Variants in CAB39 observed in about 807,000 individuals in gnomAD.
CAB39 encodes the protein calcium-binding protein 39.
CAB39 carries 8 observed loss-of-function variants against 40.0 expected under a neutral mutation model. The ratio of observed to expected loss-of-function variants is 0.20; its 90% CI spans 0.12 to 0.36. CAB39 has a LOEUF of 0.36. Ranked by LOEUF, CAB39 falls within the 10% of genes least tolerant of loss-of-function variation. The probability of loss-of-function intolerance (pLI) is 1.00; values close to 1 mark genes in which losing one functional copy is unlikely to be tolerated. For synonymous variants in CAB39, 156 were observed against 141.6 expected (o/e 1.10, Z -0.72); for missense variants, 270 against 401.1 (o/e 0.67, Z 2.79).
intron 1 of CAB39, among the ~76,000 whole-genome samples, chr2:230,732,949 G>A (rs1336545149): frequency 1.8e-4 from 28 of 152,054 alleles, no homozygotes; most frequent in Admixed American, 1.8e-3. Context: ...ACTTCTTTAC[G>A]TTATCACTGA....
intron 1 of CAB39, among the ~76,000 whole-genome samples, chr2:230,756,286 A>G (rs1410329062): frequency 1.3e-5 from 2 of 152,220 alleles, no homozygotes; most frequent in African/African-American, 2.4e-5. Flanking sequence ...GATATAGCCT[A>G]TTGCTCTTAG....
intron 6 of CAB39, among the ~76,000 whole-genome samples, chr2:230,813,579 T>G (rs1696342033): frequency 6.6e-6 from 1 of 152,206 alleles, no homozygotes; most frequent in African/African-American, 2.4e-5. Context: ...GCCTGATACA[T>G]TGAAAGAGCA....
chr2:230,809,881 A>G (rs1423375681), intron 5 of CAB39, among the ~76,000 whole-genome samples: 2 of 151,800 alleles, frequency 1.3e-5, no homozygotes, highest in Non-Finnish European at 2.9e-5. Context: ...GTGGGCGTGG[A>G]ATTGTTTGAC....
At chr2:230,773,614 A>G (rs1044890018) in intron 2 of CAB39, among the ~76,000 whole-genome samples, 2 of 152,152 alleles carry the variant, frequency 1.3e-5, no homozygotes, top group Admixed American at 6.5e-5. Context: ...CCAGGCTGAC[A>G]TAGAAATTCA....
At chr2:230,810,547 AAG>A (rs1575963397) in intron 6 of CAB39, among the ~76,000 whole-genome samples, 2 of 152,258 alleles carry the variant, frequency 1.3e-5, no homozygotes, top group East Asian at 1.9e-4. Context: ...ATTGCTTTAA[AAG>A]AGGAAAATAG....
At chr2:230,756,321 C>A (rs1695189262) in intron 1 of CAB39, among the ~76,000 whole-genome samples, 1 of 152,190 alleles carries the variant, frequency 6.6e-6, no homozygotes, top group South Asian at 2.1e-4. Context: ...CAGCATGTTA[C>A]TGTGTTGAAT....
At position 230,814,060 on chromosome 2, in the gene CAB39, A is replaced by G; in HGVS notation, c.639A>G (p.Glu213=). ...CTCTTATCTTTTAGTTTTTCAGTGA[A>G]TATGAGAAGTTACTTCATTCAGAAA... ...LEQHYDRFFS[E]YEKLLHSENY... Residue 213 remains glutamate, a synonymous_variant, in exon 7 of 9, where the codon GAA becomes GAG. Coordinates refer to ENST00000258418, the MANE Select transcript of CAB39 (RefSeq NM_016289.4). 1.8e-6 allele frequency: 2 copies of G among 1,142,276 alleles called. No individual in the cohort carries two copies. Among genetic ancestry groups the G allele is most frequent in the Non-Finnish European group, 2.4e-6 (2 of 845,060 alleles). 70.8% of individuals were successfully genotyped at this position (1,142,276 alleles called of 1,614,324 possible).
intron 1 of CAB39, among the ~76,000 whole-genome samples, chr2:230,743,026 G>T (rs141306550): frequency 6.6e-6 from 1 of 152,192 alleles, no homozygotes; most frequent in African/African-American, 2.4e-5. Context: ...ACAGAACATC[G>T]TGTGGTCTCT....
chr2:230,800,690 G>A (rs1696074743), intron 5 of CAB39, among the ~76,000 whole-genome samples: 1 of 152,154 alleles, frequency 6.6e-6, no homozygotes. Flanking sequence ...TGAAGGAAGA[G>A]GATTGAGCAG....
intron 2 of CAB39, among the ~76,000 whole-genome samples, chr2:230,764,801 A>G (rs1432019267): frequency 6.6e-6 from 1 of 152,238 alleles, no homozygotes; most frequent in Non-Finnish European, 1.5e-5. Context: ...CAGTTAGTTG[A>G]ACTTATAGCT....
intron 1 of CAB39, among the ~76,000 whole-genome samples, chr2:230,726,911 G>T (rs377396422): frequency 6.8e-6 from 1 of 145,996 alleles, no homozygotes. Context: ...CAGGAATCAG[G>T]GTGCTTAGCA....
chr2:230,805,586 C>T (rs1035397733), intron 5 of CAB39, among the ~76,000 whole-genome samples: 10 of 152,200 alleles, frequency 6.6e-5, no homozygotes, highest in Admixed American at 6.5e-4. Context: ...CCAATCTCTT[C>T]ATCTGTTCAG....
intron 1 of CAB39, among the ~76,000 whole-genome samples, chr2:230,714,736 T>C (rs1275765091): frequency 1.3e-5 from 2 of 152,256 alleles, no homozygotes; most frequent in Admixed American, 6.5e-5. Context: ...TATTTTATTA[T>C]GAAATCTTTA....
chr2:230,741,820 A>C (rs1396458076), intron 1 of CAB39, among the ~76,000 whole-genome samples: 2 of 152,234 alleles, frequency 1.3e-5, no homozygotes, highest in Non-Finnish European at 2.9e-5. Context: ...CATATAAAGA[A>C]TATATTATGC....
chr2:230,767,212 C>T (rs1185861802), intron 2 of CAB39, among the ~76,000 whole-genome samples: 1 of 152,216 alleles, frequency 6.6e-6, no homozygotes, highest in Admixed American at 6.5e-5. Context: ...GTTCCACTCA[C>T]ATTCTTCATG....
chr2:230,813,820 C>T (rs899351311), intron 6 of CAB39, among the ~76,000 whole-genome samples: 1 of 151,784 alleles, frequency 6.6e-6, no homozygotes, highest in African/African-American at 2.4e-5. Flanking sequence ...TCCCAGGAGC[C>T]CTCTTCATGG....
intron 2 of CAB39, among the ~76,000 whole-genome samples, chr2:230,764,504 T>A (rs1695348986): frequency 1.3e-5 from 2 of 152,346 alleles, no homozygotes; most frequent in South Asian, 4.1e-4. Context: ...GGAGCATCTG[T>A]GTTGGATCAC....
chr2:230,725,968 C>T (rs186592206), intron 1 of CAB39, among the ~76,000 whole-genome samples: 1 of 152,226 alleles, frequency 6.6e-6, no homozygotes, highest in African/African-American at 2.4e-5. Flanking sequence ...AAGCTACATC[C>T]ATTTATTTAT....
At chr2:230,749,446 GTAT>G (rs996111524) in intron 1 of CAB39, among the ~76,000 whole-genome samples, 6 of 152,066 alleles carry the variant, frequency 3.9e-5, no homozygotes, top group African/African-American at 1.4e-4. Flanking sequence ...TAGAAAAAAA[GTAT>G]TATATGGACT....
Sources: gnomAD v4.1 joint callset for allele counts (sites outside exome capture counted in the v4.1 genomes callset) on GRCh38, gnomAD v4.1.1 for gene constraint, MANE v1.5 for transcripts, NCBI Gene and HGNC (gene_info 2026-07-23, HGNC 2026-07-21) for gene names.